Variants in CTNNA3 observed in about 807,000 individuals in gnomAD.
The protein encoded by CTNNA3 is catenin alpha 3, also known as catenin alpha-3.
A neutral mutation model predicts 95.7 loss-of-function variants in CTNNA3; 76 were observed. That is an observed-to-expected ratio of 0.79 (90% CI 0.66 to 0.96). The LOEUF (loss-of-function observed/expected upper bound fraction) is 0.96. Among genes scored for constraint, CTNNA3 ranks in the 40% least tolerant of loss-of-function variants. The pLI is 0.00. For synonymous variants in CTNNA3, 431 were observed against 374.4 expected (o/e 1.15, Z -1.74); for missense variants, 1,191 against 1,089.8 (o/e 1.09, Z -1.31).
intron 7 of CTNNA3, among the ~76,000 whole-genome samples, chr10:67,034,089 G>T (rs1853897515): frequency 6.6e-6 from 1 of 152,016 alleles, no homozygotes; most frequent in African/African-American, 2.4e-5. Flanking sequence ...CTTCTTAAAA[G>T]GAAAAATAAG....
At chr10:67,142,201 C>T (rs1246757836) in intron 7 of CTNNA3, among the ~76,000 whole-genome samples, 2 of 152,066 alleles carry the variant, frequency 1.3e-5, no homozygotes, top group African/African-American at 4.8e-5. Flanking sequence ...TATTGGAGAA[C>T]AAAAACTATA....
chr10:67,634,840 C>A (rs1839254687), intron 2 of CTNNA3, among the ~76,000 whole-genome samples: 1 of 151,986 alleles, frequency 6.6e-6, no homozygotes, highest in Middle Eastern at 3.2e-3. Flanking sequence ...TCCTTAGAAA[C>A]CTATAAAGAT....
At position 67,606,871 on chromosome 10, in the gene CTNNA3, T is replaced by C; in HGVS notation, c.278A>G (p.Glu93Gly). 2 of 1,613,412 alleles carry C rather than the reference T, an allele frequency of 1.2e-6. No homozygotes were observed. Among genetic ancestry groups the C allele is most frequent in the Non-Finnish European group, 8.5e-7 (1 of 1,179,678 alleles). Residue 93 changes from glutamate (E) to glycine (G), a missense_variant, in exon 3 of 18, where the codon GAA becomes GGA. By Grantham distance (98) the Glu-to-Gly change is moderately conservative. Transcript: ENST00000433211. ...GGAGTACTCACTTTCTTTGCGAACT[T>C]CCTCAAGTGAAGCCGTAAGCTCATC... is the stretch of plus-strand genomic sequence containing the variant. ...LKDELTASLE[E>G]VRKESEALKV...
intron 7 of CTNNA3, among the ~76,000 whole-genome samples, chr10:67,052,453 A>C (rs1855171254): frequency 6.6e-6 from 1 of 152,200 alleles, no homozygotes; most frequent in South Asian, 2.1e-4. Context: ...TCACAAATAG[A>C]AATTATTCTA....
chr10:67,377,786 TTC>T (rs1349768024), intron 5 of CTNNA3, among the ~76,000 whole-genome samples: 1 of 152,224 alleles, frequency 6.6e-6, no homozygotes, highest in Non-Finnish European at 1.5e-5. Flanking sequence ...AACATTCAGT[TTC>T]TTCCTTCTAG....
At chr10:67,440,114 AG>A (rs1457402573) in intron 5 of CTNNA3, among the ~76,000 whole-genome samples, 1 of 152,170 alleles carries the variant, frequency 6.6e-6, no homozygotes, top group African/African-American at 2.4e-5. Flanking sequence ...ACATCCCTTA[AG>A]GGTGACTTCC....
At chr10:67,648,869 G>T in intron 1 of CTNNA3, 1 of 1,070,306 alleles carries the variant, frequency 9.3e-7, no homozygotes, top group Non-Finnish European at 1.2e-6. Context: ...ATTGCCAAAT[G>T]GTTTCTCTCA....
At chr10:66,437,189 T>C (rs1299524219) in intron 11 of CTNNA3, among the ~76,000 whole-genome samples, 1 of 152,144 alleles carries the variant, frequency 6.6e-6, no homozygotes, top group Non-Finnish European at 1.5e-5. Flanking sequence ...TCTCAAGGAT[T>C]ATCTTTGTGG....
At chr10:67,330,156 T>C (rs1176669609) in intron 5 of CTNNA3, among the ~76,000 whole-genome samples, 1 of 152,236 alleles carries the variant, frequency 6.6e-6, no homozygotes, top group Non-Finnish European at 1.5e-5. Context: ...CTGCTATTAC[T>C]GTTGGTCATT....
At chr10:66,688,925 G>C (rs1380676294) in intron 9 of CTNNA3, among the ~76,000 whole-genome samples, 1 of 145,684 alleles carries the variant, frequency 6.9e-6, no homozygotes, top group East Asian at 2.0e-4. Context: ...AGTGAGCCAA[G>C]ATTGCCCCAG....
At chr10:66,074,636 T>G (rs1406866787) in intron 14 of CTNNA3, among the ~76,000 whole-genome samples, 1 of 151,902 alleles carries the variant, frequency 6.6e-6, no homozygotes, top group Non-Finnish European at 1.5e-5. Context: ...TCTTCAAGTG[T>G]GTGTAATTAT....
intron 7 of CTNNA3, among the ~76,000 whole-genome samples, chr10:66,931,698 T>A (rs963555322): frequency 6.6e-6 from 1 of 152,190 alleles, no homozygotes; most frequent in Non-Finnish European, 1.5e-5. Flanking sequence ...GAAATATAAT[T>A]ATAATGTAAT....
chr10:67,010,362 T>C (rs1334280975), intron 7 of CTNNA3, among the ~76,000 whole-genome samples: 2 of 152,220 alleles, frequency 1.3e-5, no homozygotes, highest in Middle Eastern at 3.2e-3. Context: ...TAAAATATGT[T>C]TTAAAATATA....
At chr10:66,089,114 T>A (rs1448249378) in intron 14 of CTNNA3, among the ~76,000 whole-genome samples, 1 of 152,058 alleles carries the variant, frequency 6.6e-6, no homozygotes, top group Non-Finnish European at 1.5e-5. Flanking sequence ...TTCTTTTGTT[T>A]TTGGTCTTTG....
intron 7 of CTNNA3, among the ~76,000 whole-genome samples, chr10:66,797,436 A>G (rs932536528): frequency 2.0e-5 from 3 of 151,704 alleles, no homozygotes; most frequent in African/African-American, 4.8e-5. Flanking sequence ...ACATTTAAAT[A>G]CTAACACTAT....
chr10:66,199,806 T>TATATGTATATATATATATATA (rs1554887153), intron 13 of CTNNA3, among the ~76,000 whole-genome samples: 1 of 9,042 alleles, frequency 1.1e-4, no homozygotes, highest in African/African-American at 4.8e-4. Context: ...TATATATATA[T>TATATGTATATATATATATATA]TTTTTTTTTT....
At chr10:66,734,830 T>A (rs1376422330) in intron 9 of CTNNA3, among the ~76,000 whole-genome samples, 3 of 147,334 alleles carry the variant, frequency 2.0e-5, no homozygotes, top group Non-Finnish European at 3.0e-5. Context: ...GCCACTGCAC[T>A]CCAGCCTGGG....
intron 7 of CTNNA3, among the ~76,000 whole-genome samples, chr10:67,071,742 C>A (rs1856476859): frequency 6.6e-6 from 1 of 152,066 alleles, no homozygotes; most frequent in South Asian, 2.1e-4. Context: ...TTCATTTTTA[C>A]TTATGTTTAA....
chr10:66,665,006 T>TA (rs1425990550), intron 9 of CTNNA3, among the ~76,000 whole-genome samples: 1 of 151,642 alleles, frequency 6.6e-6, no homozygotes, highest in Non-Finnish European at 1.5e-5. Context: ...ACAGAGCGGA[T>TA]AAAAAATTAT....
Sources: allele counts gnomAD v4.1 joint callset (sites outside exome capture counted in the v4.1 genomes callset), GRCh38; gene constraint gnomAD v4.1.1; transcripts MANE v1.5; gene names NCBI Gene and HGNC (gene_info 2026-07-23, HGNC 2026-07-21).